POU6F2: variants seen among roughly 807,000 people sequenced by gnomAD.
POU6F2 encodes the protein POU class 6 homeobox 2.
A neutral mutation model predicts 71.3 loss-of-function variants in POU6F2; 31 were observed. The observed-to-expected ratio is 0.43, with a 90% CI of 0.33 to 0.59. The LOEUF is 0.59. Ranked by LOEUF, POU6F2 falls within the 20% of genes least tolerant of loss-of-function variation. The pLI is 0.04. For synonymous variants in POU6F2, 347 were observed against 355.7 expected (o/e 0.98, Z 0.27); for missense variants, 783 against 856.8 (o/e 0.91, Z 1.07).
intron 2 of POU6F2, among the ~76,000 whole-genome samples, chr7:39,176,728 GTT>G (rs1201038402): frequency 6.6e-6 from 1 of 152,178 alleles, no homozygotes; most frequent in Non-Finnish European, 1.5e-5. Context: ...CATATCTTGT[GTT>G]AGCAAGAAAT....
At chr7:39,098,179 T>C (rs1035547709) in intron 2 of POU6F2, among the ~76,000 whole-genome samples, 3 of 152,054 alleles carry the variant, frequency 2.0e-5, no homozygotes, top group Non-Finnish European at 4.4e-5. Context: ...GTTTGTCTTA[T>C]ATATTTTTTA....
intron 5 of POU6F2, among the ~76,000 whole-genome samples, chr7:39,387,225 G>A (rs1038452091): frequency 5.9e-5 from 9 of 152,256 alleles, no homozygotes; most frequent in Middle Eastern, 6.8e-3. Flanking sequence ...ATATTCCATC[G>A]TGCCATCTTT....
chr7:38,983,585 C>T (rs549224005), intron 1 of POU6F2, among the ~76,000 whole-genome samples: 1 of 152,004 alleles, frequency 6.6e-6, no homozygotes, highest in Admixed American at 6.6e-5. Flanking sequence ...GAAGCGGTTG[C>T]GAGTGAAACA....
intron 2 of POU6F2, among the ~76,000 whole-genome samples, chr7:39,189,920 GC>G (rs1793625658): frequency 6.6e-6 from 1 of 151,708 alleles, no homozygotes; most frequent in Admixed American, 6.6e-5. Context: ...TGTCGACAGG[GC>G]CTCACTCCCT....
intron 5 of POU6F2, among the ~76,000 whole-genome samples, chr7:39,377,513 A>G (rs568829889): frequency 1.3e-5 from 2 of 152,362 alleles, no homozygotes; most frequent in African/African-American, 4.8e-5. Context: ...GAATGATTCA[A>G]AGGTTGTCTT....
intron 2 of POU6F2, among the ~76,000 whole-genome samples, chr7:39,119,323 A>C (rs532392832): frequency 6.6e-6 from 1 of 152,382 alleles, no homozygotes; most frequent in South Asian, 2.1e-4. Context: ...AAAATTACTA[A>C]ATAGACAATT....
chr7:39,329,728 GC>G (rs1785598423), intron 4 of POU6F2, among the ~76,000 whole-genome samples: 19 of 152,066 alleles, frequency 1.2e-4, no homozygotes, highest in African/African-American at 4.1e-4. Context: ...TTGGCTTCTT[GC>G]CCTCCCATCC....
chr7:39,319,370 G>A (rs374363347), intron 4 of POU6F2, among the ~76,000 whole-genome samples: 1 of 152,142 alleles, frequency 6.6e-6, no homozygotes, highest in South Asian at 2.1e-4. Context: ...CTGGCTTCAC[G>A]CTCGCTGGAC....
chr7:39,219,111 G>A (rs908859838), intron 4 of POU6F2, among the ~76,000 whole-genome samples: 6 of 152,262 alleles, frequency 3.9e-5, no homozygotes, highest in Admixed American at 2.6e-4. Flanking sequence ...TACCTCTTGC[G>A]TTTGAATTCT....
chr7:39,250,981 C>G (rs896291506), intron 4 of POU6F2, among the ~76,000 whole-genome samples: 1 of 152,174 alleles, frequency 6.6e-6, no homozygotes, highest in African/African-American at 2.4e-5. Context: ...CACCTTGAGG[C>G]CTGCTAACCT....
At chr7:39,073,389 A>C (rs867720300) in intron 1 of POU6F2, among the ~76,000 whole-genome samples, 1,963 of 152,116 alleles carry the variant, frequency 0.013, 42 homozygotes, top group African/African-American at 0.044. Context: ...AAAAAAAAAA[A>C]AAAAAACCTT....
intron 7 of POU6F2, among the ~76,000 whole-genome samples, chr7:39,445,958 T>A (rs533754992): frequency 5.9e-5 from 9 of 152,218 alleles, no homozygotes; most frequent in Non-Finnish European, 1.0e-4. Flanking sequence ...TTGTTAGATA[T>A]GCAAATTCTT....
At chr7:39,301,802 T>G (rs1784952911) in intron 4 of POU6F2, among the ~76,000 whole-genome samples, 1 of 152,232 alleles carries the variant, frequency 6.6e-6, no homozygotes, top group African/African-American at 2.4e-5. Flanking sequence ...GCTCAGTGAT[T>G]TGTGGATTTT....
intron 1 of POU6F2, among the ~76,000 whole-genome samples, chr7:39,016,842 A>G (rs182465542): frequency 1.4e-3 from 208 of 152,308 alleles, no homozygotes; most frequent in African/African-American, 4.6e-3. Context: ...TGGCACGTCC[A>G]GTTTAAGGGA....
At chr7:39,044,405 T>G (rs1355284331) in intron 1 of POU6F2, among the ~76,000 whole-genome samples, 2 of 151,952 alleles carry the variant, frequency 1.3e-5, no homozygotes, top group Non-Finnish European at 2.9e-5. Context: ...ATATTTTATG[T>G]AAAGATTCTT....
intron 4 of POU6F2, among the ~76,000 whole-genome samples, chr7:39,209,669 C>A (rs996487300): frequency 6.6e-6 from 1 of 152,154 alleles, no homozygotes; most frequent in African/African-American, 2.4e-5. Context: ...ATGTCCACCA[C>A]CTAAAGGGCA....
At chr7:39,016,208 T>C (rs1350519405) in intron 1 of POU6F2, among the ~76,000 whole-genome samples, 3 of 141,258 alleles carry the variant, frequency 2.1e-5, no homozygotes, top group East Asian at 4.1e-4. Flanking sequence ...TAGATGTATA[T>C]AAGATTACCT....
chr7:39,112,603 A>G (rs1321477370), intron 2 of POU6F2, among the ~76,000 whole-genome samples: 2 of 152,184 alleles, frequency 1.3e-5, no homozygotes, highest in Admixed American at 6.5e-5. Context: ...TGCTTACAGC[A>G]TAAGAATTGA....
intron 1 of POU6F2, among the ~76,000 whole-genome samples, chr7:39,033,879 T>A (rs907141481): frequency 9.9e-5 from 15 of 152,220 alleles, no homozygotes; most frequent in Non-Finnish European, 1.6e-4. Context: ...ACAGCATTTT[T>A]CAGATGTGGT....
Sources: allele counts gnomAD v4.1 joint callset (sites outside exome capture counted in the v4.1 genomes callset), GRCh38; gene constraint gnomAD v4.1.1; transcripts MANE v1.5; gene names NCBI Gene and HGNC (gene_info 2026-07-23, HGNC 2026-07-21).